Variants in TSHR observed in about 807,000 individuals in gnomAD.
The protein encoded by TSHR is thyroid stimulating hormone receptor, also known as thyrotropin receptor.
TSHR carries 51 observed loss-of-function variants against 64.1 expected under a neutral mutation model. The ratio of observed to expected loss-of-function variants is 0.80; its 90% CI spans 0.64 to 1.01. TSHR has a LOEUF of 1.01. Among genes scored for constraint, TSHR ranks in the 50% least tolerant of loss-of-function variants. The pLI is 0.00. For synonymous variants in TSHR, 361 were observed against 361.9 expected, an observed-to-expected ratio of 1.00 and a Z score of 0.03; for missense variants, 877 against 942.8, an observed-to-expected ratio of 0.93 and a Z score of 0.91.
At chr14:80,974,409 T>A (rs1887759907) in intron 1 of TSHR, among the ~76,000 whole-genome samples, 1 of 152,202 alleles carries the variant, frequency 6.6e-6, no homozygotes, top group African/African-American at 2.4e-5. Flanking sequence ...ATAGAGCACA[T>A]AAATCTGTAA....
intron 1 of TSHR, chr14:81,001,710 C>A: frequency 2.1e-6 from 1 of 466,248 alleles, no homozygotes; most frequent in South Asian, 1.6e-5. Flanking sequence ...GGCAGTTTCA[C>A]GAGTGTTCTT....
At chr14:81,098,131 G>A (rs1889335010) in intron 7 of TSHR, among the ~76,000 whole-genome samples, 1 of 152,192 alleles carries the variant, frequency 6.6e-6, no homozygotes, top group Non-Finnish European at 1.5e-5. Flanking sequence ...CAGATGAACA[G>A]GAGCCATGTG....
intron 1 of TSHR, among the ~76,000 whole-genome samples, chr14:80,980,736 A>G (rs975983559): frequency 6.6e-6 from 1 of 152,164 alleles, no homozygotes; most frequent in Non-Finnish European, 1.5e-5. Flanking sequence ...TGTGAGTCCT[A>G]TTAGATGTAA....
chr14:81,088,086 G>A lies in TSHR; in HGVS notation c.392+58G>A, dbSNP rs866639596. 20 of 1,338,696 alleles carry A rather than the reference G, an allele frequency of 1.5e-5. No homozygotes were observed. In the African/African-American group the frequency reaches 2.6e-4, roughly 17 times the overall value. The allele number at this position is 1,338,696 out of a possible 1,614,324, so 82.9% of individuals were successfully genotyped here. ...CTGGGGGGAGGGGGTCAGATTTAATGCTGTTGTCTCCCAGGAATCTCCCTA... is the reference window on the plus strand; with the variant it reads ...CTGGGGGGAGGGGGTCAGATTTAATACTGTTGTCTCCCAGGAATCTCCCTA... On this transcript the variant is annotated intron_variant, in intron 4 of 9. Transcript: ENST00000298171.
chr14:81,092,750 A>AT (rs1888854466), intron 6 of TSHR, 142 bp downstream of exon 6: 7 of 798,288 alleles, frequency 8.8e-6, no homozygotes, highest in Non-Finnish European at 1.5e-5. Context: ...ATTAAATAAT[A>AT]GTATTGTCTT....
At chr14:81,034,506 C>A (rs529321532) in intron 1 of TSHR, among the ~76,000 whole-genome samples, 4 of 152,194 alleles carry the variant, frequency 2.6e-5, no homozygotes, top group African/African-American at 9.6e-5. Flanking sequence ...TCTGTTCCAG[C>A]CAACTGTGAA....
chr14:80,995,760 G>A (rs1311841013), intron 1 of TSHR: 2 of 150,854 alleles, frequency 1.3e-5, no homozygotes, highest in East Asian at 3.9e-4. Context: ...GAAATAATCT[G>A]TACAACAAAC....
intron 1 of TSHR, among the ~76,000 whole-genome samples, chr14:81,004,889 T>C (rs1356116658): frequency 6.6e-6 from 1 of 152,214 alleles, no homozygotes; most frequent in Non-Finnish European, 1.5e-5. Flanking sequence ...TAAGAAAGTT[T>C]CCATCCTTGG....
At chr14:80,971,960 A>G (rs1887610573) in intron 1 of TSHR, among the ~76,000 whole-genome samples, 2 of 152,190 alleles carry the variant, frequency 1.3e-5, no homozygotes, top group Admixed American at 6.5e-5. Context: ...GAGACATTAA[A>G]GTTTTAAAAT....
At chr14:80,975,456 T>C (rs1305303066) in intron 1 of TSHR, among the ~76,000 whole-genome samples, 1 of 152,174 alleles carries the variant, frequency 6.6e-6, no homozygotes, top group Admixed American at 6.5e-5. Context: ...CTCAAGTATC[T>C]TTCCTCTAAA....
intron 8 of TSHR, among the ~76,000 whole-genome samples, chr14:81,115,687 A>G (rs2140050688): frequency 6.6e-6 from 1 of 152,236 alleles, no homozygotes; most frequent in African/African-American, 2.4e-5. Context: ...GAATGCCACA[A>G]AGATACTCCT....
chr14:81,062,365 A>G lies in TSHR; in HGVS notation c.242+146A>G, dbSNP rs1381362801. The G allele has an allele frequency of 5.0e-6, 3 of 602,838 alleles. No individual in the cohort carries two copies. In the African/African-American group the frequency reaches 5.6e-5, roughly 11 times the overall value. 37.3% of individuals were successfully genotyped at this position (602,838 alleles called of 1,614,324 possible). A position where few individuals can be genotyped will look rare whatever the true frequency, so the allele number is the denominator to read the frequency against. ...TGTATATGACAATTTTATGTACATG[A>G]TTTTTATTTCATTTTGCTATATCTC... On this transcript the variant is annotated intron_variant, in intron 2 of 9. Transcript: ENST00000298171.
intron 3 of TSHR, among the ~76,000 whole-genome samples, chr14:81,069,839 C>T (rs577718947): frequency 6.6e-6 from 1 of 152,168 alleles, no homozygotes; most frequent in African/African-American, 2.4e-5. Context: ...AGAAAATGAT[C>T]CATAGGAAGT....
chr14:81,005,197 TTGTGTGTGTGTGTGTG>T (rs71103894), intron 1 of TSHR, among the ~76,000 whole-genome samples: 16,470 of 149,584 alleles, frequency 0.11, 1,018 homozygotes, highest in South Asian at 0.2. Context: ...ACTCAAGCCT[TTGTGTGTGTGTGTGTG>T]TGTGTGTGTG....
chr14:81,115,655 G>A (rs1182840631), intron 8 of TSHR, among the ~76,000 whole-genome samples: 3 of 151,942 alleles, frequency 2.0e-5, no homozygotes, highest in Non-Finnish European at 2.9e-5. Flanking sequence ...GCAGGCCAAC[G>A]TTCAGATTCA....
At chr14:80,985,016 C>A (rs1296446059) in intron 1 of TSHR, among the ~76,000 whole-genome samples, 1 of 152,146 alleles carries the variant, frequency 6.6e-6, no homozygotes, top group Non-Finnish European at 1.5e-5. Flanking sequence ...TTTGGGAAGC[C>A]GAGGCGGGTG....
At chr14:81,132,285 C>T (rs553964483) in intron 8 of TSHR, among the ~76,000 whole-genome samples, 42 of 152,180 alleles carry the variant, frequency 2.8e-4, no homozygotes, top group Non-Finnish European at 4.8e-4. Flanking sequence ...GCTGTTGGAA[C>T]ACTGGCAAGC....
At position 81,110,297 on chromosome 14, in the gene TSHR, A is replaced by C. The variant is rs561402937; in HGVS notation, c.692+1845A>C. Reference sequence around the variant, plus strand: ...GGGTCTGTAAAGAGGTAATTAAATTAAAATAAGGCTGTTAGGTGAGCCCTA... The same window carrying C: ...GGGTCTGTAAAGAGGTAATTAAATTCAAATAAGGCTGTTAGGTGAGCCCTA... On this transcript the variant is annotated intron_variant, in intron 8 of 9. Coordinates refer to ENST00000298171, the MANE Select transcript of TSHR (RefSeq NM_000369.5). 4.6e-5 allele frequency among the ~76,000 whole-genome samples: 7 copies of C among 152,356 alleles called. No homozygotes were observed. In the South Asian group the frequency reaches 1.4e-3, roughly 32 times the overall value.
At chr14:80,966,524 GC>G (rs1470332482) in intron 1 of TSHR, among the ~76,000 whole-genome samples, 1 of 151,256 alleles carries the variant, frequency 6.6e-6, no homozygotes, top group Non-Finnish European at 1.5e-5. Flanking sequence ...ACTATTCTAG[GC>G]ATTGATATAT....
Sources: allele counts gnomAD v4.1 joint callset (sites outside exome capture counted in the v4.1 genomes callset), GRCh38; gene constraint gnomAD v4.1.1; transcripts MANE v1.5; gene names NCBI Gene and HGNC (gene_info 2026-07-23, HGNC 2026-07-21).